ASXL2: variants seen among roughly 807,000 people sequenced by gnomAD.
ASXL2 encodes putative Polycomb group protein ASXL2.
In ASXL2, 23 loss-of-function variants were observed where a neutral mutation model predicts 122.0. The observed-to-expected ratio is 0.19, with a 90% CI of 0.14 to 0.27. ASXL2 has a LOEUF of 0.27. Ranked by LOEUF, ASXL2 falls within the 10% of genes least tolerant of loss-of-function variation. The probability of loss-of-function intolerance (pLI) is 1.00; values close to 1 mark genes in which losing one functional copy is unlikely to be tolerated. For synonymous variants in ASXL2, 650 were observed against 637.0 expected, an observed-to-expected ratio of 1.02 and a Z score of -0.31; for missense variants, 1,518 against 1,713.8, an observed-to-expected ratio of 0.89 and a Z score of 2.02.
chr2:25,802,848 C>A (rs548827717), intron 4 of ASXL2, among the ~76,000 whole-genome samples: 2 of 152,114 alleles, frequency 1.3e-5, no homozygotes, highest in Admixed American at 6.5e-5. Context: ...TAGCTGATCA[C>A]GGCTGGGTGC....
At chr2:25,802,962 C>G (rs1377363914) in intron 4 of ASXL2, among the ~76,000 whole-genome samples, 3 of 152,168 alleles carry the variant, frequency 2.0e-5, no homozygotes, top group Non-Finnish European at 4.4e-5. Flanking sequence ...AAAACCCTGT[C>G]TCTACTAAAA....
At chr2:25,793,745 T>A (rs1018049638) in intron 5 of ASXL2, among the ~76,000 whole-genome samples, 1 of 152,210 alleles carries the variant, frequency 6.6e-6, no homozygotes, top group African/African-American at 2.4e-5. Flanking sequence ...AATGGATCCT[T>A]TTTAGTTCTA....
rs770401493 is a variant in ASXL2, at chr2:25,742,696, G to C, written c.3641C>G (p.Pro1214Arg). Residue 1214 changes from proline (P) to arginine (R), a missense_variant, in exon 13 of 13, where the codon CCT becomes CGT. Around this residue, in one of 8 missense-constraint regions of ASXL2, gnomAD observed 831 missense variants for 833.1 expected, o/e 1.00. Transcript: ENST00000435504. ...GGTAGATAGAGTTTCCCTGCTGTGA[G>C]GTCCTGAACTTGTGTCACCCTTGCC... ...SAGKGDTSSG[P>R]HSRETLSTSD... The C allele has an allele frequency of 6.2e-7, 1 of 1,613,958 alleles. No individual in the cohort carries two copies. Among genetic ancestry groups the C allele is most frequent in the Admixed American group, 1.7e-5 (1 of 60,018 alleles).
intron 8 of ASXL2, among the ~76,000 whole-genome samples, chr2:25,760,393 A>T (rs2088221201): frequency 6.6e-6 from 1 of 152,174 alleles, no homozygotes; most frequent in South Asian, 2.1e-4. Context: ...TATTTTTAAA[A>T]ATGCAAATTA....
At chr2:25,870,078 C>T (rs757967229) in intron 1 of ASXL2, among the ~76,000 whole-genome samples, 2 of 151,884 alleles carry the variant, frequency 1.3e-5, no homozygotes, top group African/African-American at 2.4e-5. Flanking sequence ...AAGAAGCATT[C>T]GTTAACTTAT....
At chr2:25,865,468 T>G (rs889839831) in intron 1 of ASXL2, among the ~76,000 whole-genome samples, 2 of 147,646 alleles carry the variant, frequency 1.4e-5, no homozygotes, top group African/African-American at 2.5e-5. Context: ...ATAAAAATTT[T>G]TTTTAAATCC....
chr2:25,849,744 T>G (rs1365509145), intron 1 of ASXL2, among the ~76,000 whole-genome samples: 1 of 152,170 alleles, frequency 6.6e-6, no homozygotes, highest in Non-Finnish European at 1.5e-5. Flanking sequence ...TTTGCCATGT[T>G]GTCCAGGCTG....
intron 2 of ASXL2, among the ~76,000 whole-genome samples, chr2:25,842,450 GTT>G (rs2089595200): frequency 6.6e-6 from 1 of 151,918 alleles, no homozygotes; most frequent in African/African-American, 2.4e-5. Flanking sequence ...TTTTCCTGCT[GTT>G]TTTGTTTGTT....
At chr2:25,787,573 G>A (rs1433350968) in intron 5 of ASXL2, among the ~76,000 whole-genome samples, 2 of 152,074 alleles carry the variant, frequency 1.3e-5, no homozygotes, top group East Asian at 3.8e-4. Flanking sequence ...ACACTTCAAA[G>A]ACACAGTCAA....
intron 6 of ASXL2, among the ~76,000 whole-genome samples, chr2:25,770,680 G>A (rs6751767): frequency 0.26 from 39,125 of 151,832 alleles, 5,258 homozygotes; most frequent in Non-Finnish European, 0.29. Context: ...GCTTGAACCC[G>A]GGAGGCGGAG....
At chr2:25,864,143 C>T (rs1366124458) in intron 1 of ASXL2, among the ~76,000 whole-genome samples, 2 of 151,996 alleles carry the variant, frequency 1.3e-5, no homozygotes, top group Non-Finnish European at 2.9e-5. Flanking sequence ...ATGAACCACT[C>T]GTTAACGGTG....
intron 2 of ASXL2, among the ~76,000 whole-genome samples, chr2:25,838,290 G>A (rs2089537129): frequency 6.6e-6 from 1 of 152,200 alleles, no homozygotes; most frequent in African/African-American, 2.4e-5. Flanking sequence ...ACCTCAGGCT[G>A]CAGCACCAAT....
At chr2:25,845,204 GA>G in intron 2 of ASXL2, 1 of 392,770 alleles carries the variant, frequency 2.5e-6, no homozygotes, top group Non-Finnish European at 4.9e-6. Flanking sequence ...AGAGACAGAT[GA>G]AGGCTTGAAG....
At chr2:25,842,769 CGTGTGTGTGT>C (rs70950126) in intron 2 of ASXL2, among the ~76,000 whole-genome samples, 3 of 145,072 alleles carry the variant, frequency 2.1e-5, no homozygotes, top group Admixed American at 6.9e-5. Flanking sequence ...CGTGTGTGCA[CGTGTGTGTGT>C]GTGTGTGTGT....
intron 5 of ASXL2, among the ~76,000 whole-genome samples, chr2:25,780,064 C>G (rs1438939180): frequency 6.6e-6 from 1 of 152,146 alleles, no homozygotes; most frequent in East Asian, 1.9e-4. Context: ...GGGGTTTCAC[C>G]ATGTTGGCCA....
chr2:25,749,821 C>T lies in ASXL2; in HGVS notation c.1735G>A (p.Val579Met). 1.2e-6 allele frequency: 2 copies of T among 1,610,726 alleles called. No individual in the cohort carries two copies. Among genetic ancestry groups the T allele is most frequent in the Non-Finnish European group, 1.7e-6 (2 of 1,179,006 alleles). Residue 579 changes from valine to methionine, a missense_variant, in exon 12 of 13, where the codon GTG becomes ATG. By Grantham distance (21) the Val-to-Met change is conservative. This residue lies in a region of ASXL2 where 292 missense variants were observed against 293.5 expected (regional missense o/e 1.00). Transcript: ENST00000435504. ...ACACGTGGCCTCTTCTCCCAGCTCACAGGGGCCTCTTCTTGGGTGAGGGAA... is the reference window on the plus strand; with the variant it reads ...ACACGTGGCCTCTTCTCCCAGCTCATAGGGGCCTCTTCTTGGGTGAGGGAA... ...KSSLTQEEAPVSWEKRPRVTE... is the reference protein window; with the variant it reads ...KSSLTQEEAPMSWEKRPRVTE...
At chr2:25,769,304 T>C (rs943082488) in intron 6 of ASXL2, among the ~76,000 whole-genome samples, 1 of 152,194 alleles carries the variant, frequency 6.6e-6, no homozygotes, top group Non-Finnish European at 1.5e-5. Context: ...CCTATCTGCA[T>C]CAAACCTATG....
At chr2:25,876,384 C>T (rs2090009908) in intron 1 of ASXL2, among the ~76,000 whole-genome samples, 1 of 152,182 alleles carries the variant, frequency 6.6e-6, no homozygotes, top group Non-Finnish European at 1.5e-5. Flanking sequence ...TCAAAAAACA[C>T]TCCTAAGATT....
intron 1 of ASXL2, among the ~76,000 whole-genome samples, chr2:25,869,321 CGTT>C (rs1559533403): frequency 6.6e-6 from 1 of 151,444 alleles, no homozygotes; most frequent in East Asian, 1.9e-4. Flanking sequence ...CAGAGTAAAA[CGTT>C]GTCTCCAAAA....
Sources: allele counts gnomAD v4.1 joint callset (sites outside exome capture counted in the v4.1 genomes callset), GRCh38; gene constraint gnomAD v4.1.1; regional missense constraint gnomAD v4.1.1; transcripts MANE v1.5; gene names NCBI Gene and HGNC (gene_info 2026-07-23, HGNC 2026-07-21).